Variants in URI1 observed in about 807,000 individuals in gnomAD.
URI1 encodes the protein URI1 prefoldin like chaperone.
In URI1, 39 loss-of-function variants were observed where a neutral mutation model predicts 60.2. That is an observed-to-expected ratio of 0.65 (90% CI 0.50 to 0.85). URI1 has a LOEUF of 0.85. Among genes scored for constraint, URI1 ranks in the 40% least tolerant of loss-of-function variants. The pLI is 0.00. For missense variants in URI1, 691 were observed against 665.9 expected, an observed-to-expected ratio of 1.04 and a Z score of -0.42; for synonymous variants, 251 against 236.8, an observed-to-expected ratio of 1.06 and a Z score of -0.55.
intron 1 of URI1, among the ~76,000 whole-genome samples, chr19:29,961,425 T>C (rs1374710304): frequency 6.6e-6 from 1 of 152,160 alleles, no homozygotes; most frequent in African/African-American, 2.4e-5. Flanking sequence ...CCTTTTGTGA[T>C]TGGGTTATTT....
intron 1 of URI1, among the ~76,000 whole-genome samples, chr19:29,964,508 A>G (rs1283864215): frequency 1.5e-5 from 2 of 129,460 alleles, no homozygotes; most frequent in African/African-American, 6.0e-5. Context: ...CTCGTTGCCC[A>G]GGCTGGAGTG....
At chr19:29,947,897 A>G (rs2055122452) in intron 1 of URI1, among the ~76,000 whole-genome samples, 1 of 152,158 alleles carries the variant, frequency 6.6e-6, no homozygotes, top group African/African-American at 2.4e-5. Context: ...TGTCTAATAG[A>G]AGCTTTACTG....
At chr19:29,964,636 A>G (rs544942837) in intron 1 of URI1, among the ~76,000 whole-genome samples, 9 of 149,798 alleles carry the variant, frequency 6.0e-5, no homozygotes, top group Admixed American at 5.3e-4. Context: ...AATTTTTTGT[A>G]TTTTTCGTAG....
chr19:30,014,984 G>A lies in URI1; in HGVS notation c.1523G>A (p.Arg508Gln), dbSNP rs763301059. The A allele has an allele frequency of 8.7e-6, 14 of 1,613,636 alleles. No homozygotes were observed. Among genetic ancestry groups the A allele is most frequent in the African/African-American group, 5.3e-5 (4 of 74,888 alleles). The stretch of plus-strand genomic sequence containing the variant: ...CCCGCACTACCCACTATTCCAGAAC[G>A]AAAGGAAGTTCTGTTGGAAGCATCT... ...AHPALPTIPE[R>Q]KEVLLEASEE... The change falls in exon 11 of 11, where the codon CGA (arginine) becomes CAA (glutamine). Residue 508 changes from arginine to glutamine, a missense_variant. By Grantham distance (43) the Arg-to-Gln change is conservative. Transcript: ENST00000392271.
intron 1 of URI1, among the ~76,000 whole-genome samples, chr19:29,965,274 A>G: frequency 6.6e-6 from 1 of 152,212 alleles, no homozygotes; most frequent in African/African-American, 2.4e-5. Context: ...CAGACGGAGA[A>G]ATGGGATTCT....
At chr19:30,012,105 A>G (rs2056028375) in intron 9 of URI1, among the ~76,000 whole-genome samples, 180 bp from the exon 10 acceptor site, 2 of 152,228 alleles carry the variant, frequency 1.3e-5, no homozygotes, top group East Asian at 3.8e-4. Flanking sequence ...AGCTTTCAAA[A>G]TAGTATGAAG....
chr19:30,012,168 A>G, intron 9 of URI1, 117 bp from the exon 10 acceptor site: 1 of 1,217,778 alleles, frequency 8.2e-7, no homozygotes, highest in Non-Finnish European at 1.1e-6. Flanking sequence ...TAGATATAAG[A>G]TTGTAATAAA....
intron 1 of URI1, among the ~76,000 whole-genome samples, chr19:29,952,671 A>T (rs765495904): frequency 5.9e-5 from 9 of 151,856 alleles, no homozygotes; most frequent in Non-Finnish European, 8.9e-5. Context: ...GAGTTTAGAG[A>T]TCTTTTATTC....
At chr19:29,931,220 A>T (rs888308447) in intron 1 of URI1, among the ~76,000 whole-genome samples, 1 of 152,184 alleles carries the variant, frequency 6.6e-6, no homozygotes, top group Non-Finnish European at 1.5e-5. Flanking sequence ...TTTGGAGAAC[A>T]TTGTTGTATT....
chr19:29,935,700 C>CTTTTTTTTTTTTTTTTTTTT (rs34820413), intron 1 of URI1, among the ~76,000 whole-genome samples: 39 of 131,848 alleles, frequency 3.0e-4, no homozygotes, highest in East Asian at 1.3e-3. Context: ...GGTTGACAGT[C>CTTTTTTTTTTTTTTTTTTTT]TTTTTTTTTT....
intron 6 of URI1, among the ~76,000 whole-genome samples, chr19:30,006,597 A>G (rs1466002053): frequency 6.6e-6 from 1 of 152,162 alleles, no homozygotes; most frequent in Non-Finnish European, 1.5e-5. Flanking sequence ...CTTATCAATA[A>G]TAGTTACAGA....
chr19:29,951,507 A>G (rs2055179446), intron 1 of URI1, among the ~76,000 whole-genome samples: 1 of 150,206 alleles, frequency 6.7e-6, no homozygotes, highest in Non-Finnish European at 1.5e-5. Context: ...AATTGTTCTA[A>G]ATTTGGCCAA....
At chr19:29,989,131 G>C (rs556579527) in intron 4 of URI1, among the ~76,000 whole-genome samples, 50 of 151,278 alleles carry the variant, frequency 3.3e-4, no homozygotes, top group African/African-American at 1.2e-3. Context: ...TATTTTTTGA[G>C]ATGGAGTCTC....
At chr19:29,949,529 A>G (rs1006678025) in intron 1 of URI1, among the ~76,000 whole-genome samples, 1 of 152,210 alleles carries the variant, frequency 6.6e-6, no homozygotes, top group African/African-American at 2.4e-5. Context: ...AGAGGCTGCA[A>G]TCTCGGCACT....
chr19:30,015,629 C>T lies in URI1; in HGVS notation c.*560C>T. 2.0e-6 allele frequency: 3 copies of T among 1,463,898 alleles called. No homozygotes were observed. Among genetic ancestry groups the T allele is most frequent in the South Asian group, 1.3e-5 (1 of 76,698 alleles). The allele number at this position is 1,463,898 out of a possible 1,614,324, so 90.7% of individuals were successfully genotyped here. On this transcript the variant is annotated 3_prime_UTR_variant, in exon 11 of 11. Coordinates refer to ENST00000392271, the MANE Select transcript of URI1 (RefSeq NM_003796.3). ...GAAAGCTACATGAATTAATTGTACTCTATGGGAAAATTTCTTTGGAAAGAT... is the reference window on the plus strand; with the variant it reads ...GAAAGCTACATGAATTAATTGTACTTTATGGGAAAATTTCTTTGGAAAGAT...
Position 29,942,382 on chromosome 19 carries a change from G to A in URI1, c.-166G>A. 1 of 983,920 alleles carries A rather than the reference G, an allele frequency of 1.0e-6. No homozygotes were observed. The highest frequency in any genetic ancestry group is 1.2e-6 in the Non-Finnish European group (1 of 829,370). 60.9% of individuals were successfully genotyped at this position (983,920 alleles called of 1,614,324 possible). A position where few individuals can be genotyped will look rare whatever the true frequency, so the allele number is the denominator to read the frequency against. ...ATGCACGTGTGAGATGCGGCAGCGG[G>A]CGGCGCGGACGCGAACAGCAGCGGC... On this transcript the variant is annotated 5_prime_UTR_variant, in exon 1 of 11. Transcript: ENST00000392271.
intron 1 of URI1, among the ~76,000 whole-genome samples, chr19:29,948,550 C>CTTTTTTT (rs559685920): frequency 0.024 from 3,650 of 151,876 alleles, 151 homozygotes; most frequent in African/African-American, 0.084. Context: ...GTTGAAGTTA[C>CTTTTTTT]TTTTTTTTGC....
At chr19:29,940,920 T>C (rs2055016705), upstream of URI1, among the ~76,000 whole-genome samples, 1 of 152,006 alleles carries the variant, frequency 6.6e-6, no homozygotes, top group African/African-American at 2.4e-5. Flanking sequence ...GGAGAGAGGA[T>C]GGTGGTGGTA....
intron 7 of URI1, among the ~76,000 whole-genome samples, chr19:30,008,183 A>G (rs1166845996): frequency 6.6e-6 from 1 of 152,170 alleles, no homozygotes; most frequent in Non-Finnish European, 1.5e-5. Flanking sequence ...TGAAATACAC[A>G]TTAGCACACA....
Sources: allele counts gnomAD v4.1 joint callset (sites outside exome capture counted in the v4.1 genomes callset), GRCh38; gene constraint gnomAD v4.1.1; transcripts MANE v1.5; gene names NCBI Gene and HGNC (gene_info 2026-07-23, HGNC 2026-07-21).